CACNA2D3: variants seen among roughly 807,000 people sequenced by gnomAD.
The protein encoded by CACNA2D3 is voltage-dependent calcium channel subunit alpha-2/delta-3.
A neutral mutation model predicts 160.6 loss-of-function variants in CACNA2D3; 60 were observed. That is an observed-to-expected ratio of 0.37 (90% CI 0.30 to 0.46). The LOEUF (loss-of-function observed/expected upper bound fraction) is 0.46. Ranked by LOEUF, CACNA2D3 falls within the 20% of genes least tolerant of loss-of-function variation. The probability of loss-of-function intolerance (pLI) is 1.00; values close to 1 mark genes in which losing one functional copy is unlikely to be tolerated. For missense variants in CACNA2D3, 1,205 were observed against 1,365.0 expected (o/e 0.88, Z 1.85); for synonymous variants, 558 against 492.9 (o/e 1.13, Z -1.75).
chr3:54,432,763 A>C (rs982997014), intron 4 of CACNA2D3, among the ~76,000 whole-genome samples: 2 of 152,120 alleles, frequency 1.3e-5, no homozygotes, highest in Non-Finnish European at 2.9e-5. Context: ...AGCCTACTGG[A>C]TTCAGTGTAT....
chr3:54,288,603 G>A (rs1324945570), intron 2 of CACNA2D3, among the ~76,000 whole-genome samples: 1 of 152,006 alleles, frequency 6.6e-6, no homozygotes, highest in Non-Finnish European at 1.5e-5. Context: ...ACCAAAGCCG[G>A]GCAGAGACAC....
intron 3 of CACNA2D3, among the ~76,000 whole-genome samples, chr3:54,333,337 T>C (rs1241259454): frequency 6.6e-6 from 1 of 152,134 alleles, no homozygotes; most frequent in Non-Finnish European, 1.5e-5. Context: ...ATTTTAAGAA[T>C]ACAGGAAGTT....
intron 2 of CACNA2D3, among the ~76,000 whole-genome samples, chr3:54,292,596 A>C (rs897351975): frequency 1.3e-5 from 2 of 152,192 alleles, no homozygotes; most frequent in African/African-American, 4.8e-5. Flanking sequence ...AATTTGCCTC[A>C]GTGAGATATA....
At chr3:54,545,596 T>C (rs1427611011) in intron 5 of CACNA2D3, among the ~76,000 whole-genome samples, 2 of 152,236 alleles carry the variant, frequency 1.3e-5, no homozygotes, top group South Asian at 4.1e-4. Context: ...TGCTGGTGAC[T>C]GATACAGTTC....
intron 5 of CACNA2D3, among the ~76,000 whole-genome samples, chr3:54,553,198 A>G (rs1410467612): frequency 6.6e-6 from 1 of 152,240 alleles, no homozygotes; most frequent in African/African-American, 2.4e-5. Flanking sequence ...AACCTATTGT[A>G]TAATTCAGCA....
chr3:54,498,885 G>A (rs1338600021), intron 4 of CACNA2D3, among the ~76,000 whole-genome samples: 1 of 151,656 alleles, frequency 6.6e-6, no homozygotes, highest in Non-Finnish European at 1.5e-5. Flanking sequence ...TAGTCTATTT[G>A]CAGGTATCAT....
intron 17 of CACNA2D3, among the ~76,000 whole-genome samples, chr3:54,857,984 C>T (rs544107673): frequency 3.3e-5 from 5 of 151,828 alleles, no homozygotes; most frequent in Middle Eastern, 3.4e-3. Context: ...ATAGGATTCT[C>T]GGCTGCTTTA....
At chr3:54,321,735 G>T (rs1704001884) in intron 3 of CACNA2D3, among the ~76,000 whole-genome samples, 1 of 152,104 alleles carries the variant, frequency 6.6e-6, no homozygotes, top group Non-Finnish European at 1.5e-5. Context: ...CTGCCGCCTT[G>T]CTTTCAGTGT....
intron 17 of CACNA2D3, among the ~76,000 whole-genome samples, chr3:54,869,450 C>T (rs890607596): frequency 6.6e-6 from 1 of 151,986 alleles, no homozygotes; most frequent in Admixed American, 6.6e-5. Flanking sequence ...GTGCCTTGCA[C>T]TTAGTAGTAG....
chr3:54,970,079 T>C (rs142721390), intron 29 of CACNA2D3, among the ~76,000 whole-genome samples: 86 of 152,296 alleles, frequency 5.6e-4, no homozygotes, highest in African/African-American at 1.9e-3. Flanking sequence ...GATAGCACTA[T>C]TGGAATTTTG....
chr3:54,752,727 C>A, intron 12 of CACNA2D3, 50 bp downstream of exon 12: 1 of 1,298,646 alleles, frequency 7.7e-7, no homozygotes, highest in Non-Finnish European at 1.1e-6. Flanking sequence ...CCTACTTGTG[C>A]AGAATTAGGA....
At chr3:54,464,023 T>G (rs1376169675) in intron 4 of CACNA2D3, among the ~76,000 whole-genome samples, 1 of 152,248 alleles carries the variant, frequency 6.6e-6, no homozygotes, top group Non-Finnish European at 1.5e-5. Context: ...TGTTGGAGTT[T>G]GCTAGAGGTG....
chr3:55,028,901 T>G (rs753129331), intron 35 of CACNA2D3, among the ~76,000 whole-genome samples: 2 of 152,300 alleles, frequency 1.3e-5, no homozygotes, highest in South Asian at 2.1e-4. Flanking sequence ...ACAGTTTTCT[T>G]CTCTCATCGC....
intron 13 of CACNA2D3, among the ~76,000 whole-genome samples, chr3:54,782,437 A>G (rs1350057594): frequency 6.6e-6 from 1 of 152,172 alleles, no homozygotes; most frequent in Non-Finnish European, 1.5e-5. Flanking sequence ...GCTAATCATT[A>G]TTATGTAGAA....
At chr3:54,403,259 G>T (rs1346779937) in intron 4 of CACNA2D3, among the ~76,000 whole-genome samples, 1 of 151,898 alleles carries the variant, frequency 6.6e-6, no homozygotes, top group African/African-American at 2.4e-5. Flanking sequence ...GGAGGCTGAG[G>T]TGGAAGGGTG....
chr3:54,675,715 A>G (rs775109451), intron 11 of CACNA2D3, among the ~76,000 whole-genome samples: 1 of 152,142 alleles, frequency 6.6e-6, no homozygotes, highest in Non-Finnish European at 1.5e-5. Flanking sequence ...GCTTGAGGCA[A>G]ACTATGAGTA....
chr3:55,051,223 A>G (rs1477226779), intron 35 of CACNA2D3, among the ~76,000 whole-genome samples: 1 of 151,900 alleles, frequency 6.6e-6, no homozygotes, highest in African/African-American at 2.4e-5. Flanking sequence ...TTTTTTCCCC[A>G]TCTTTGTGGT....
At chr3:54,605,175 A>G (rs1698573292) in intron 9 of CACNA2D3, among the ~76,000 whole-genome samples, 1 of 152,114 alleles carries the variant, frequency 6.6e-6, no homozygotes, top group Non-Finnish European at 1.5e-5. Context: ...GACACCAGTC[A>G]TATTGCATTA....
intron 31 of CACNA2D3, among the ~76,000 whole-genome samples, chr3:55,003,204 A>G (rs1413643506): frequency 6.6e-6 from 1 of 152,192 alleles, no homozygotes; most frequent in Non-Finnish European, 1.5e-5. Context: ...AAGCACATGT[A>G]TTAAAGTGTT....
Sources: gnomAD v4.1 joint callset for allele counts (sites outside exome capture counted in the v4.1 genomes callset) on GRCh38, gnomAD v4.1.1 for gene constraint, MANE v1.5 for transcripts, NCBI Gene and HGNC (gene_info 2026-07-23, HGNC 2026-07-21) for gene names.